Variants in ARHGEF10 observed in about 807,000 individuals in gnomAD.
ARHGEF10 encodes Rho guanine nucleotide exchange factor 10, also known as Rho guanine nucleotide exchange factor (GEF) 10.
In ARHGEF10, 140 loss-of-function variants were observed where a neutral mutation model predicts 147.4. The observed-to-expected ratio is 0.95, with a 90% CI of 0.83 to 1.09. ARHGEF10 has a LOEUF of 1.09. Ranked by LOEUF, ARHGEF10 falls within the 50% of genes least tolerant of loss-of-function variation. The probability of loss-of-function intolerance (pLI) is 0.00; values close to 1 mark genes in which losing one functional copy is unlikely to be tolerated. For synonymous variants in ARHGEF10, 902 were observed against 695.8 expected, an observed-to-expected ratio of 1.30 and a Z score of -4.67; for missense variants, 2,222 against 1,752.7, an observed-to-expected ratio of 1.27 and a Z score of -4.78.
At chr8:1,909,606 G>A in intron 18 of ARHGEF10, 136 bp downstream of exon 18, 2 of 1,230,868 alleles carry the variant, frequency 1.6e-6, no homozygotes, top group South Asian at 1.3e-5. Flanking sequence ...AGGTGATCCA[G>A]TCTCTAGAAT....
chr8:1,855,850 T>C lies in ARHGEF10; in HGVS notation c.38-2110T>C, dbSNP rs1467429113. 2.6e-5 allele frequency among the ~76,000 whole-genome samples: 4 copies of C among 152,194 alleles called. No individual in the cohort carries two copies. The South Asian group carries it at 6.2e-4, about 24-fold the overall frequency. On this transcript the variant is annotated intron_variant, in intron 2 of 28. Transcript: ENST00000349830. ...TATTCCAGAAAACAGTTTTTTTGTTTGTTTAACTTTTTACTTTAAAAGGTA... is the reference window on the plus strand; with the variant it reads ...TATTCCAGAAAACAGTTTTTTTGTTCGTTTAACTTTTTACTTTAAAAGGTA...
At chr8:1,914,715 A>G (rs1811626727) in intron 18 of ARHGEF10, among the ~76,000 whole-genome samples, 1 of 152,208 alleles carries the variant, frequency 6.6e-6, no homozygotes, top group Non-Finnish European at 1.5e-5. Context: ...TGAACGTTGT[A>G]CTGTAAAACA....
intron 2 of ARHGEF10, among the ~76,000 whole-genome samples, chr8:1,849,120 T>G (rs1426913000): frequency 6.6e-6 from 1 of 152,240 alleles, no homozygotes; most frequent in Non-Finnish European, 1.5e-5. Flanking sequence ...AAACTAAACT[T>G]AGATACTTTA....
chr8:1,853,204 TG>T (rs1253890948), intron 2 of ARHGEF10, among the ~76,000 whole-genome samples: 1 of 152,044 alleles, frequency 6.6e-6, no homozygotes, highest in East Asian at 1.9e-4. Context: ...CCGTCCTGAG[TG>T]GGCAGGAGGG....
chr8:1,842,101 C>T (rs1425581146), intron 1 of ARHGEF10, among the ~76,000 whole-genome samples: 1 of 150,856 alleles, frequency 6.6e-6, no homozygotes, highest in Admixed American at 6.6e-5. Context: ...CGCCGAACCA[C>T]GAGGCCAGGT....
At chr8:1,879,984 A>G in intron 8 of ARHGEF10, 64 bp from the exon 9 acceptor site, 2 of 1,166,738 alleles carry the variant, frequency 1.7e-6, no homozygotes, top group East Asian at 4.7e-5. Flanking sequence ...CTCTCAATGT[A>G]AAATTGTCCC....
At chr8:1,842,478 A>G (rs1436531857) in intron 1 of ARHGEF10, among the ~76,000 whole-genome samples, 1 of 152,166 alleles carries the variant, frequency 6.6e-6, no homozygotes, top group East Asian at 1.9e-4. Flanking sequence ...CACCCTGGGC[A>G]TGGGCCCGCC....
intron 2 of ARHGEF10, among the ~76,000 whole-genome samples, chr8:1,845,150 G>T (rs1804456856): frequency 6.6e-6 from 1 of 152,074 alleles, no homozygotes; most frequent in Non-Finnish European, 1.5e-5. Flanking sequence ...AAAAATAAAG[G>T]TGGAACATGA....
At chr8:1,865,664 T>TAG (rs906458084) in intron 5 of ARHGEF10, among the ~76,000 whole-genome samples, 1 of 152,214 alleles carries the variant, frequency 6.6e-6, no homozygotes, top group African/African-American at 2.4e-5. Flanking sequence ...TGGGGCCTGT[T>TAG]AGAGCTTTTG....
At chr8:1,891,479 G>A (rs778352121) in intron 11 of ARHGEF10, among the ~76,000 whole-genome samples, 10 of 152,288 alleles carry the variant, frequency 6.6e-5, no homozygotes, top group Non-Finnish European at 1.2e-4. Context: ...TACCCTTGAT[G>A]CTGGAGGACA....
chr8:1,895,817 C>G (rs7819420), intron 13 of ARHGEF10, among the ~76,000 whole-genome samples: 1,600 of 152,290 alleles, frequency 0.011, 31 homozygotes, highest in African/African-American at 0.037. Flanking sequence ...GTTTCTGCCT[C>G]TTAACAGAAA....
intron 17 of ARHGEF10, among the ~76,000 whole-genome samples, chr8:1,908,477 C>A (rs1563268679): frequency 6.6e-6 from 1 of 152,120 alleles, no homozygotes; most frequent in African/African-American, 2.4e-5. Flanking sequence ...TGTGATCTGC[C>A]TGCCTTGGCC....
intron 18 of ARHGEF10, among the ~76,000 whole-genome samples, chr8:1,918,062 A>G (rs1463764780): frequency 6.6e-6 from 1 of 152,098 alleles, no homozygotes; most frequent in East Asian, 1.9e-4. Flanking sequence ...TGCTGGGATT[A>G]TAGGCGTGAG....
In ARHGEF10 at chr8:1,929,328, A is replaced by T; in HGVS notation, c.2964A>T (p.Arg988Ser). The T allele has an allele frequency of 6.8e-6, 11 of 1,614,016 alleles. No individual in the cohort carries two copies. The highest frequency in any genetic ancestry group is 8.5e-6 in the Non-Finnish European group (10 of 1,179,994). Residue 988 changes from arginine to serine, a missense_variant, in exon 25 of 29, where the codon AGA (arginine) becomes AGT (serine). Transcript: ENST00000349830. ...GCAGTCAAGGCTCCAAGAAAGTGAG[A>T]CTTCAGCACTTTTTCACTCCTGAGA... Reference protein sequence around the residue: ...YKSSQGSKKVRLQHFFTPEKS... With the variant: ...YKSSQGSKKVSLQHFFTPEKS...
chr8:1,847,915 A>T lies in ARHGEF10; in HGVS notation c.37+4479A>T, dbSNP rs147278323. Among the ~76,000 whole-genome samples the T allele has an allele frequency of 3.9e-5, 6 of 152,320 alleles. No homozygotes were observed. In the East Asian group the frequency reaches 1.2e-3, roughly 29 times the overall value. On this transcript the variant is annotated intron_variant, in intron 2 of 28. Transcript: ENST00000349830. ...GATCTTAAAAAATGAGTATTACTTT[A>T]ATCTTGTTCTCAGTGTGTTAATCGT...
intron 15 of ARHGEF10, among the ~76,000 whole-genome samples, chr8:1,899,209 C>G (rs1810262942): frequency 6.6e-6 from 1 of 152,184 alleles, no homozygotes; most frequent in Non-Finnish European, 1.5e-5. Context: ...CGTTTTCCGA[C>G]CTTCCCACAT....
chr8:1,826,724 GT>G (rs2129029574), intron 1 of ARHGEF10, among the ~76,000 whole-genome samples: 1 of 152,362 alleles, frequency 6.6e-6, no homozygotes, highest in South Asian at 2.1e-4. Flanking sequence ...AGAAAGCGCT[GT>G]TGTAGGCCCG....
At chr8:1,928,792 T>G (rs1366153661) in intron 24 of ARHGEF10, 142 bp downstream of exon 24, 2 of 891,966 alleles carry the variant, frequency 2.2e-6, no homozygotes, top group Non-Finnish European at 3.6e-6. Context: ...GGGAAATTTT[T>G]AGGGTCATTG....
intron 2 of ARHGEF10, among the ~76,000 whole-genome samples, chr8:1,843,912 C>T (rs1474036743): frequency 1.3e-5 from 2 of 152,172 alleles, no homozygotes; most frequent in African/African-American, 4.8e-5. Context: ...TAAGGGAGGG[C>T]CTGCTGATGA....
Sources: gnomAD v4.1 joint callset for allele counts (sites outside exome capture counted in the v4.1 genomes callset) on GRCh38, gnomAD v4.1.1 for gene constraint, MANE v1.5 for transcripts, NCBI Gene and HGNC (gene_info 2026-07-23, HGNC 2026-07-21) for gene names.